The following GCNT2 variants were observed in gnomAD, a reference collection of about 807,000 sequenced individuals.
GCNT2 encodes glucosaminyl (N-acetyl) transferase 2 (I blood group).
In GCNT2, 34 loss-of-function variants were observed where a neutral mutation model predicts 34.2. The observed-to-expected ratio is 1.00, with a 90% CI of 0.76 to 1.32. The LOEUF (loss-of-function observed/expected upper bound fraction) is 1.32. Ranked by LOEUF, GCNT2 falls within the 40% of genes most tolerant of loss-of-function variation. The pLI is 0.00. For missense variants in GCNT2, 584 were observed against 489.4 expected, an observed-to-expected ratio of 1.19 and a Z score of -1.82; for synonymous variants, 212 against 188.0, an observed-to-expected ratio of 1.13 and a Z score of -1.04.
chr6:10,608,538 A>G (rs1451392441), intron 3 of GCNT2, among the ~76,000 whole-genome samples: 2 of 152,184 alleles, frequency 1.3e-5, no homozygotes, highest in African/African-American at 2.4e-5. Flanking sequence ...CTTGATAAGT[A>G]TAAAAAGAGG....
chr6:10,582,401 TAA>T (rs1259996670), intron 3 of GCNT2, among the ~76,000 whole-genome samples: 2 of 121,986 alleles, frequency 1.6e-5, no homozygotes, highest in Non-Finnish European at 3.1e-5. Context: ...TATACTATAA[TAA>T]ATAGTATAAT....
Position 10,528,899 on chromosome 6 carries a change from T to C in GCNT2, c.-13T>C, listed in dbSNP as rs1158366253. On this transcript the variant is annotated 5_prime_UTR_variant, in exon 3 of 5. Coordinates refer to ENST00000495262, the MANE Select transcript of GCNT2 (RefSeq NM_145649.5). Reference sequence around the variant, plus strand: ...CTCAAGAGAGAGATATTTTACTCATTTCCTGGTTGTGAATGATGGGCTCTT... The same window carrying C: ...CTCAAGAGAGAGATATTTTACTCATCTCCTGGTTGTGAATGATGGGCTCTT... The C allele has an allele frequency of 6.3e-7, 1 of 1,596,422 alleles. No homozygotes were observed. The highest frequency in any genetic ancestry group is 8.6e-7 in the Non-Finnish European group (1 of 1,164,170).
rs376506107 is a variant in GCNT2, at chr6:10,558,481, C to T, written c.925+28645C>T. Among the ~76,000 whole-genome samples, 83 of 152,282 alleles carry T rather than the reference C, an allele frequency of 5.5e-4. 2 individuals carry two copies. The South Asian group carries it at 0.012, about 23-fold the overall frequency. ...CTAGCAGAAACTCCTTGCTTTCTCACCCGAATTTTCCTATCTTTACTAATT... is the reference window on the plus strand; with the variant it reads ...CTAGCAGAAACTCCTTGCTTTCTCATCCGAATTTTCCTATCTTTACTAATT... On this transcript the variant is annotated intron_variant, in intron 3 of 4. Coordinates refer to ENST00000495262, the MANE Select transcript of GCNT2 (RefSeq NM_145649.5).
In GCNT2 at chr6:10,528,881, G is replaced by A. The variant is rs1561776813; in HGVS notation, c.-31G>A. 1 of 1,492,502 alleles carries A rather than the reference G, an allele frequency of 6.7e-7. No individual in the cohort carries two copies. Among genetic ancestry groups the A allele is most frequent in the Non-Finnish European group, 9.3e-7 (1 of 1,069,880 alleles). 92.5% of individuals were successfully genotyped at this position (1,492,502 alleles called of 1,614,324 possible). A position where few individuals can be genotyped will look rare whatever the true frequency, so the allele number is the denominator to read the frequency against. Reference sequence around the variant, plus strand: ...TCTACACTCTGATCCTATCTCAAGAGAGAGATATTTTACTCATTTCCTGGT... The same window carrying A: ...TCTACACTCTGATCCTATCTCAAGAAAGAGATATTTTACTCATTTCCTGGT... On this transcript the variant is annotated 5_prime_UTR_variant, in exon 3 of 5. Coordinates refer to ENST00000495262, the MANE Select transcript of GCNT2 (RefSeq NM_145649.5).
intron 1 of GCNT2, among the ~76,000 whole-genome samples, chr6:10,522,926 G>A (rs1405513457): frequency 6.6e-6 from 1 of 152,142 alleles, no homozygotes; most frequent in East Asian, 1.9e-4. Flanking sequence ...AGTAAAATTA[G>A]ACTTAAAACG....
At chr6:10,553,761 G>A (rs963069962) in intron 3 of GCNT2, among the ~76,000 whole-genome samples, 2 of 152,212 alleles carry the variant, frequency 1.3e-5, no homozygotes, top group Admixed American at 6.5e-5. Flanking sequence ...GGGCGTGGTG[G>A]CACATGCCTG....
At chr6:10,544,286 C>T (rs1415116817) in intron 3 of GCNT2, among the ~76,000 whole-genome samples, 1 of 150,986 alleles carries the variant, frequency 6.6e-6, no homozygotes, top group Non-Finnish European at 1.5e-5. Flanking sequence ...TGCATTCCAG[C>T]CTGGGCGACA....
At chr6:10,521,882 G>GGTACTGTCT (rs1307001398) in intron 1 of GCNT2, among the ~76,000 whole-genome samples, 1 of 151,498 alleles carries the variant, frequency 6.6e-6, no homozygotes, top group Non-Finnish European at 1.5e-5. Context: ...TAAGGTACTT[G>GGTACTGTCT]GTACTGTCTG....
chr6:10,534,270 C>T (rs6908045), intron 3 of GCNT2, among the ~76,000 whole-genome samples: 70,534 of 150,986 alleles, frequency 0.47, 17,415 homozygotes, highest in South Asian at 0.69. Context: ...GCCTCCGCAG[C>T]ACCAGGGATT....
At chr6:10,587,311 G>A (rs1242957166) in intron 3 of GCNT2, among the ~76,000 whole-genome samples, 1 of 152,198 alleles carries the variant, frequency 6.6e-6, no homozygotes, top group African/African-American at 2.4e-5. Flanking sequence ...TTTCATTGAT[G>A]CAGTCTCATT....
chr6:10,626,079 C>A (rs988402170), intron 4 of GCNT2, among the ~76,000 whole-genome samples: 1 of 152,144 alleles, frequency 6.6e-6, no homozygotes, highest in Non-Finnish European at 1.5e-5. Flanking sequence ...GATTACTGTA[C>A]ATGAATGACC....
chr6:10,576,566 C>G (rs994633514), intron 3 of GCNT2, among the ~76,000 whole-genome samples: 1 of 151,888 alleles, frequency 6.6e-6, no homozygotes, highest in African/African-American at 2.4e-5. Flanking sequence ...ATTCAGGATC[C>G]AGAGGAAGAA....
chr6:10,577,694 C>T (rs1445122248), intron 3 of GCNT2, among the ~76,000 whole-genome samples: 5 of 152,042 alleles, frequency 3.3e-5, no homozygotes, highest in East Asian at 1.9e-4. Flanking sequence ...GCGTCTGCCA[C>T]CATGCCCAGT....
intron 3 of GCNT2, among the ~76,000 whole-genome samples, chr6:10,580,322 A>G (rs199506753): frequency 2.6e-5 from 4 of 152,192 alleles, no homozygotes; most frequent in East Asian, 3.9e-4. Context: ...CCCCCACCCA[A>G]TCCTCCTCAA....
chr6:10,582,192 TATA>T (rs1764108411), intron 3 of GCNT2, among the ~76,000 whole-genome samples: 1 of 125,524 alleles, frequency 8.0e-6, no homozygotes, highest in Non-Finnish European at 1.6e-5. Context: ...TATATTTTTA[TATA>T]ATATATAAAA....
At chr6:10,577,034 C>T (rs1188560654) in intron 3 of GCNT2, among the ~76,000 whole-genome samples, 1 of 152,172 alleles carries the variant, frequency 6.6e-6, no homozygotes, top group African/African-American at 2.4e-5. Context: ...GCTATGCTCT[C>T]ACCGTTGCAC....
intron 3 of GCNT2, among the ~76,000 whole-genome samples, chr6:10,594,184 T>C (rs1205542841): frequency 2.6e-5 from 4 of 152,236 alleles, no homozygotes; most frequent in Non-Finnish European, 4.4e-5. Flanking sequence ...TTTGCATTTC[T>C]AACAGTTTCC....
At chr6:10,623,620 T>C (rs556744392) in intron 4 of GCNT2, among the ~76,000 whole-genome samples, 4 of 152,218 alleles carry the variant, frequency 2.6e-5, no homozygotes, top group African/African-American at 9.6e-5. Flanking sequence ...TCTTAGCACT[T>C]AGAATGATCT....
At chr6:10,535,432 A>G (rs1761710935) in intron 3 of GCNT2, among the ~76,000 whole-genome samples, 1 of 152,206 alleles carries the variant, frequency 6.6e-6, no homozygotes, top group Non-Finnish European at 1.5e-5. Context: ...GGTCCACAAC[A>G]AGATGGCATG....
Sources: gnomAD v4.1 joint callset for allele counts (sites outside exome capture counted in the v4.1 genomes callset) on GRCh38, gnomAD v4.1.1 for gene constraint, MANE v1.5 for transcripts, NCBI Gene and HGNC (gene_info 2026-07-23, HGNC 2026-07-21) for gene names.